The following DKK2 variants were observed in gnomAD, a reference collection of about 807,000 sequenced individuals.
DKK2 encodes dickkopf-related protein 2.
DKK2 carries 11 observed loss-of-function variants against 28.1 expected under a neutral mutation model. The observed-to-expected ratio is 0.39, with a 90% CI of 0.25 to 0.65. The LOEUF is 0.65. Ranked by LOEUF, DKK2 falls within the 30% of genes least tolerant of loss-of-function variation. The pLI is 0.47. For synonymous variants in DKK2, 135 were observed against 126.5 expected (o/e 1.07, Z -0.45); for missense variants, 326 against 335.5 (o/e 0.97, Z 0.22).
intron 1 of DKK2, among the ~76,000 whole-genome samples, chr4:106,950,972 T>TA (rs1724849885): frequency 6.6e-6 from 1 of 152,148 alleles, no homozygotes; most frequent in Non-Finnish European, 1.5e-5. Flanking sequence ...TTATTATCAT[T>TA]CTACTAGTTG....
At chr4:107,001,913 C>T (rs1205513221) in intron 1 of DKK2, among the ~76,000 whole-genome samples, 1 of 152,160 alleles carries the variant, frequency 6.6e-6, no homozygotes, top group Non-Finnish European at 1.5e-5. Flanking sequence ...TCCTTTGGAT[C>T]ATGTAAGTCT....
chr4:106,945,998 C>G (rs1279686446), intron 1 of DKK2, among the ~76,000 whole-genome samples: 1 of 152,140 alleles, frequency 6.6e-6, no homozygotes, highest in South Asian at 2.1e-4. Context: ...ACAAACTGCA[C>G]ATATCTCCAG....
intron 1 of DKK2, 83 bp from the exon 2 acceptor site, chr4:106,926,032 GAAA>G: frequency 7.1e-7 from 1 of 1,415,004 alleles, no homozygotes; most frequent in East Asian, 2.4e-5. Context: ...AATCATGATA[GAAA>G]ATGAATCACA....
At chr4:106,973,701 G>T (rs1246493517) in intron 1 of DKK2, among the ~76,000 whole-genome samples, 1 of 152,124 alleles carries the variant, frequency 6.6e-6, no homozygotes, top group African/African-American at 2.4e-5. Context: ...TCACTCTGAT[G>T]ATAGTTTCTT....
intron 1 of DKK2, among the ~76,000 whole-genome samples, chr4:106,995,450 G>A (rs531393804): frequency 1.3e-5 from 2 of 152,192 alleles, no homozygotes; most frequent in East Asian, 1.9e-4. Flanking sequence ...AAGATACACA[G>A]AACAAATTCA....
chr4:106,986,551 G>A (rs532262404), intron 1 of DKK2, among the ~76,000 whole-genome samples: 2 of 152,294 alleles, frequency 1.3e-5, no homozygotes, highest in African/African-American at 4.8e-5. Flanking sequence ...TTTTAATGCA[G>A]ATTGGCAATC....
chr4:106,981,539 T>C (rs1723027039), intron 1 of DKK2, among the ~76,000 whole-genome samples: 1 of 152,172 alleles, frequency 6.6e-6, no homozygotes, highest in Non-Finnish European at 1.5e-5. Context: ...AATTTCCCCC[T>C]TTTTAACTAT....
rs573607917 is a variant in DKK2 at position 106,938,823 on chromosome 4, A to G, written c.223-12874T>C. On this transcript the variant is annotated intron_variant, in intron 1 of 3. Coordinates refer to ENST00000285311, the MANE Select transcript of DKK2 (RefSeq NM_014421.3). The stretch of plus-strand genomic sequence containing the variant: ...TGGTTCAATATACGCAAATCAATAA[A>G]TGTAATCCAGCATATAAACAGAGCC... Among the ~76,000 whole-genome samples the G allele has an allele frequency of 5.9e-5, 9 of 151,738 alleles. No homozygotes were observed. In the South Asian group the frequency reaches 1.0e-3, roughly 18 times the overall value.
chr4:107,034,412 T>C (rs1047553353), intron 1 of DKK2, among the ~76,000 whole-genome samples: 4 of 148,084 alleles, frequency 2.7e-5, no homozygotes, highest in Non-Finnish European at 6.0e-5. Context: ...TGATTCCCAG[T>C]GCCCACAGAG....
At chr4:107,025,907 A>G (rs17037264) in intron 1 of DKK2, among the ~76,000 whole-genome samples, 36,081 of 152,162 alleles carry the variant, frequency 0.24, 4,669 homozygotes, top group East Asian at 0.53. Context: ...TTCTTCCACA[A>G]AGCTTTCTTA....
intron 1 of DKK2, among the ~76,000 whole-genome samples, chr4:106,988,005 T>C (rs1460268897): frequency 1.3e-5 from 2 of 152,078 alleles, no homozygotes; most frequent in East Asian, 1.9e-4. Context: ...GCTGGGACTA[T>C]AGGCACCCAC....
chr4:106,934,449 G>A (rs985754209), intron 1 of DKK2, among the ~76,000 whole-genome samples: 2 of 152,040 alleles, frequency 1.3e-5, no homozygotes, highest in Non-Finnish European at 2.9e-5. Flanking sequence ...TAAAAATTGT[G>A]TTTTGTTTCA....
At chr4:106,972,541 A>G in intron 1 of DKK2, among the ~76,000 whole-genome samples, 1 of 152,116 alleles carries the variant, frequency 6.6e-6, no homozygotes, top group East Asian at 1.9e-4. Flanking sequence ...AAGCCAATAA[A>G]AGTAAGTTGT....
chr4:106,978,863 G>A (rs1722983884), intron 1 of DKK2, among the ~76,000 whole-genome samples: 3 of 151,974 alleles, frequency 2.0e-5, no homozygotes, highest in African/African-American at 7.2e-5. Context: ...CCAGTTTTGT[G>A]CTTGAAACCC....
At chr4:106,975,006 G>A (rs1722922310) in intron 1 of DKK2, among the ~76,000 whole-genome samples, 1 of 152,110 alleles carries the variant, frequency 6.6e-6, no homozygotes, top group African/African-American at 2.4e-5. Context: ...TAATCATGTT[G>A]TTTTTGTCAT....
At position 107,035,643 on chromosome 4, in the gene DKK2, G is replaced by A. The variant is rs746374345; in HGVS notation, c.-52C>T. The A allele has an allele frequency of 2.5e-6, 4 of 1,595,434 alleles. No individual in the cohort carries two copies. The South Asian group carries it at 3.3e-5, about 13-fold the overall frequency. On this transcript the variant is annotated 5_prime_UTR_variant, in exon 1 of 4. Coordinates refer to ENST00000285311, the MANE Select transcript of DKK2 (RefSeq NM_014421.3). Reference sequence around the variant, plus strand: ...ACGCAAAGCCCGGAGGGGTGGGAATGCAAAGGGAGGGAGGACCCCAACACG... The same window carrying A: ...ACGCAAAGCCCGGAGGGGTGGGAATACAAAGGGAGGGAGGACCCCAACACG...
chr4:106,930,296 C>T (rs1312381572), intron 1 of DKK2, among the ~76,000 whole-genome samples: 2 of 152,264 alleles, frequency 1.3e-5, no homozygotes, highest in Admixed American at 6.5e-5. Context: ...TTGAGTCTGT[C>T]TTCCCCCAAA....
At chr4:107,005,075 G>C (rs1000878029) in intron 1 of DKK2, among the ~76,000 whole-genome samples, 1 of 152,084 alleles carries the variant, frequency 6.6e-6, no homozygotes, top group African/African-American at 2.4e-5. Flanking sequence ...GAGTGCGGTG[G>C]CTCACGTCTG....
At position 107,024,963 on chromosome 4, in the gene DKK2, A is replaced by G. The variant is rs113095917; in HGVS notation, c.222+10407T>C. On this transcript the variant is annotated intron_variant, in intron 1 of 3. Transcript: ENST00000285311. ...TACCCAGATTGAACATGGGTAACAG[A>G]CACAGATTAATCATGTATGAAACAT... 6.2e-3 allele frequency among the ~76,000 whole-genome samples: 951 copies of G among 152,324 alleles called. 10 individuals carry two copies. The highest frequency in any genetic ancestry group is 0.022 in the African/African-American group (901 of 41,578).
Sources: allele counts gnomAD v4.1 joint callset (sites outside exome capture counted in the v4.1 genomes callset), GRCh38; gene constraint gnomAD v4.1.1; transcripts MANE v1.5; gene names NCBI Gene and HGNC (gene_info 2026-07-23, HGNC 2026-07-21).